The following ZCCHC7 variants were observed in gnomAD, a reference collection of about 807,000 sequenced individuals.
The protein encoded by ZCCHC7 is zinc finger CCHC-type containing 7.
Under a neutral mutation model 52.0 loss-of-function variants are expected in ZCCHC7, and 35 were observed. That is an observed-to-expected ratio of 0.67 (90% CI 0.51 to 0.89). The LOEUF (loss-of-function observed/expected upper bound fraction) is 0.89, where lower values mean the gene tolerates loss of function less well. Ranked by LOEUF, ZCCHC7 falls within the 40% of genes least tolerant of loss-of-function variation. The pLI is 0.00. For missense variants in ZCCHC7, 574 were observed against 649.1 expected (o/e 0.88, Z 1.26); for synonymous variants, 217 against 221.5 (o/e 0.98, Z 0.18).
At chr9:37,180,336 A>G (rs1174437712) in intron 2 of ZCCHC7, among the ~76,000 whole-genome samples, 2 of 152,140 alleles carry the variant, frequency 1.3e-5, no homozygotes, top group South Asian at 2.1e-4. Context: ...TCTAGGGGGA[A>G]AAAAGACATT....
intron 5 of ZCCHC7, among the ~76,000 whole-genome samples, chr9:37,317,477 T>C (rs993706744): frequency 1.3e-5 from 2 of 152,190 alleles, no homozygotes; most frequent in African/African-American, 4.8e-5. Flanking sequence ...CTCAGGAGGC[T>C]GAGGCAGCAG....
intron 2 of ZCCHC7, among the ~76,000 whole-genome samples, chr9:37,273,380 G>GATACAAAAAA (rs1428541177): frequency 3.3e-5 from 5 of 152,190 alleles, no homozygotes; most frequent in Non-Finnish European, 7.4e-5. Context: ...GCGGGTGCCT[G>GATACAAAAAA]TAGTCCCAGC....
intron 2 of ZCCHC7, among the ~76,000 whole-genome samples, chr9:37,219,058 A>G (rs1198418103): frequency 1.3e-5 from 2 of 150,936 alleles, no homozygotes; most frequent in African/African-American, 2.4e-5. Flanking sequence ...GCAAGATTCC[A>G]TCCCCCCTAA....
intron 5 of ZCCHC7, among the ~76,000 whole-genome samples, chr9:37,310,053 G>A (rs1829521411): frequency 6.6e-6 from 1 of 152,170 alleles, no homozygotes; most frequent in Non-Finnish European, 1.5e-5. Flanking sequence ...AAACTGTCGA[G>A]TCATATTCAA....
rs1178761566 is a variant in ZCCHC7, at chr9:37,143,531, T to A, written c.610+16589T>A. Reference sequence around the variant, plus strand: ...AGTTCCTGAAAAATAATATTCTGTGTATGAAAGAAAATAGGAGGTGAGAAC... The same window carrying A: ...AGTTCCTGAAAAATAATATTCTGTGAATGAAAGAAAATAGGAGGTGAGAAC... On this transcript the variant is annotated intron_variant, in intron 2 of 8. Transcript: ENST00000336755. Among the ~76,000 whole-genome samples, 4 of 151,484 alleles carry A rather than the reference T, an allele frequency of 2.6e-5. No individual in the cohort carries two copies. The East Asian group carries it at 5.8e-4, about 22-fold the overall frequency.
chr9:37,139,779 T>C (rs1038629599), intron 2 of ZCCHC7, among the ~76,000 whole-genome samples: 1 of 152,000 alleles, frequency 6.6e-6, no homozygotes, highest in Non-Finnish European at 1.5e-5. Context: ...GTTAAGTAGC[T>C]TAAGAGGTAT....
intron 2 of ZCCHC7, among the ~76,000 whole-genome samples, chr9:37,260,256 G>T (rs1826802376): frequency 6.6e-6 from 1 of 152,192 alleles, no homozygotes; most frequent in Non-Finnish European, 1.5e-5. Flanking sequence ...GCTCTTTCAT[G>T]GGGCTGCTGC....
intron 2 of ZCCHC7, among the ~76,000 whole-genome samples, chr9:37,270,442 G>A (rs1827349594): frequency 6.6e-6 from 1 of 152,028 alleles, no homozygotes; most frequent in Admixed American, 6.6e-5. Flanking sequence ...TGTAATCACA[G>A]CACTTTGGGA....
intron 2 of ZCCHC7, among the ~76,000 whole-genome samples, chr9:37,210,775 G>T (rs1273460353): frequency 6.6e-6 from 1 of 152,118 alleles, no homozygotes; most frequent in Non-Finnish European, 1.5e-5. Context: ...GGAAAGGTAG[G>T]GGTCAAGTCA....
chr9:37,139,863 CAG>C, intron 2 of ZCCHC7, among the ~76,000 whole-genome samples: 1 of 152,054 alleles, frequency 6.6e-6, no homozygotes, highest in East Asian at 1.9e-4. Flanking sequence ...GTGCTTGCAA[CAG>C]AATTATCTAT....
At chr9:37,215,447 A>C (rs1824454101) in intron 2 of ZCCHC7, among the ~76,000 whole-genome samples, 2 of 152,188 alleles carry the variant, frequency 1.3e-5, no homozygotes, top group Admixed American at 1.3e-4. Context: ...TAAAGGAAAA[A>C]AATTTTATCT....
At chr9:37,142,252 A>G (rs1843262207) in intron 2 of ZCCHC7, among the ~76,000 whole-genome samples, 1 of 151,766 alleles carries the variant, frequency 6.6e-6, no homozygotes, top group Admixed American at 6.6e-5. Context: ...ATACATAGGG[A>G]AAAGAGTAAT....
intron 2 of ZCCHC7, among the ~76,000 whole-genome samples, chr9:37,181,899 G>C (rs1822376577): frequency 6.6e-6 from 1 of 152,070 alleles, no homozygotes; most frequent in Non-Finnish European, 1.5e-5. Context: ...CGCCCAGGCT[G>C]GTCTTAAACT....
intron 2 of ZCCHC7, among the ~76,000 whole-genome samples, chr9:37,211,326 A>G (rs539204306): frequency 6.6e-6 from 1 of 152,168 alleles, no homozygotes; most frequent in Non-Finnish European, 1.5e-5. Flanking sequence ...TTCAGCATAC[A>G]TATGGTTTTA....
chr9:37,138,450 A>G (rs1171157486), intron 2 of ZCCHC7, among the ~76,000 whole-genome samples: 1 of 152,100 alleles, frequency 6.6e-6, no homozygotes, highest in African/African-American at 2.4e-5. Flanking sequence ...CAGTCTTCCA[A>G]AGTTAATTTA....
intron 2 of ZCCHC7, among the ~76,000 whole-genome samples, chr9:37,131,938 G>A (rs970965651): frequency 2.0e-5 from 3 of 152,172 alleles, no homozygotes; most frequent in African/African-American, 7.2e-5. Flanking sequence ...TATTACATAT[G>A]ACTTTCAGCT....
At chr9:37,344,495 T>C (rs1820837934) in intron 6 of ZCCHC7, among the ~76,000 whole-genome samples, 2 of 152,306 alleles carry the variant, frequency 1.3e-5, no homozygotes, top group South Asian at 4.2e-4. Context: ...TTTTTTCAAA[T>C]CCTCAAATTT....
intron 2 of ZCCHC7, among the ~76,000 whole-genome samples, chr9:37,253,342 C>T (rs1346164325): frequency 6.6e-6 from 1 of 151,592 alleles, no homozygotes; most frequent in Non-Finnish European, 1.5e-5. Flanking sequence ...GTTGGCTTAC[C>T]AGGATTTATG....
chr9:37,122,752 A>T lies in ZCCHC7; in HGVS notation c.-22+2129A>T, dbSNP rs11791669. 3.0e-3 allele frequency among the ~76,000 whole-genome samples: 460 copies of T among 152,362 alleles called. 2 individuals carry two copies. The highest frequency in any genetic ancestry group is 4.4e-3 in the Non-Finnish European group (298 of 68,030). ...CAGGAGTTCGAGACCAGCCTGGCCA[A>T]CATGGTGAAACCCGTCTCTGCTAAG... On this transcript the variant is annotated intron_variant, in intron 1 of 8. Coordinates refer to ENST00000336755, the MANE Select transcript of ZCCHC7 (RefSeq NM_032226.3).
Sources: allele counts gnomAD v4.1 joint callset (sites outside exome capture counted in the v4.1 genomes callset), GRCh38; gene constraint gnomAD v4.1.1; transcripts MANE v1.5; gene names NCBI Gene and HGNC (gene_info 2026-07-23, HGNC 2026-07-21).